CD1B: variants seen among roughly 807,000 people sequenced by gnomAD.
The protein encoded by CD1B is T-cell surface glycoprotein CD1b.
CD1B carries 43 observed loss-of-function variants against 39.8 expected under a neutral mutation model. The observed-to-expected ratio is 1.08, with a 90% confidence interval of 0.85 to 1.39. The LOEUF (loss-of-function observed/expected upper bound fraction) is 1.39. CD1B is among the 40% of genes most tolerant of loss of function. The probability of loss-of-function intolerance (pLI) is 0.00; values close to 1 mark genes in which losing one functional copy is unlikely to be tolerated. For synonymous variants in CD1B, 192 were observed against 152.5 expected, an observed-to-expected ratio of 1.26 and a Z score of -1.91; for missense variants, 495 against 403.8, an observed-to-expected ratio of 1.23 and a Z score of -1.94.
the CD1B span, among the ~76,000 whole-genome samples, chr1:158,300,991 T>G: frequency 6.6e-6 from 1 of 151,924 alleles, no homozygotes; most frequent in African/African-American, 2.4e-5. Context: ...ATTGCCTGAC[T>G]TCATGATCTG....
At chr1:158,322,478 G>T in the CD1B span, among the ~76,000 whole-genome samples, 1 of 67,184 alleles carries the variant, frequency 1.5e-5, no homozygotes. Context: ...TGTTGCCCAG[G>T]CTGAACTCAA....
downstream of CD1B, among the ~76,000 whole-genome samples, chr1:158,327,462 A>T (rs144237371): frequency 8.0e-4 from 122 of 152,336 alleles, 2 homozygotes; most frequent in African/African-American, 2.7e-3. Flanking sequence ...TAGCAAGATG[A>T]GGAGAATCTA....
chr1:158,290,124 C>T, the CD1B span: 37 of 1,612,344 alleles, frequency 2.3e-5, 1 homozygote, highest in African/African-American at 1.7e-4. Flanking sequence ...ACAATGCAGA[C>T]GGTAAGAACA....
chr1:158,306,136 C>T, the CD1B span, among the ~76,000 whole-genome samples: 1 of 152,126 alleles, frequency 6.6e-6, no homozygotes, highest in African/African-American at 2.4e-5. Flanking sequence ...CACATACTGG[C>T]AAATTGGATA....
the CD1B span, chr1:158,289,988 G>T: frequency 3.8e-6 from 5 of 1,332,220 alleles, no homozygotes; most frequent in African/African-American, 7.2e-5. Flanking sequence ...TCAGAATATA[G>T]GTACAGAGGG....
chr1:158,316,108 T>A, the CD1B span, among the ~76,000 whole-genome samples: 1 of 151,954 alleles, frequency 6.6e-6, no homozygotes, highest in Non-Finnish European at 1.5e-5. Context: ...TCCAGCTTTG[T>A]TCTTTTGGCT....
At chr1:158,311,462 C>A in the CD1B span, among the ~76,000 whole-genome samples, 1 of 151,906 alleles carries the variant, frequency 6.6e-6, no homozygotes, top group Non-Finnish European at 1.5e-5. Flanking sequence ...TATTTTCTAC[C>A]ATTCTGTAGC....
the CD1B span, among the ~76,000 whole-genome samples, chr1:158,315,165 T>C: frequency 1.3e-5 from 2 of 152,078 alleles, no homozygotes; most frequent in Non-Finnish European, 2.9e-5. Flanking sequence ...CCTTTGGGTA[T>C]ATACTCAGTA....
chr1:158,291,982 G>A, the CD1B span: 1 of 1,211,432 alleles, frequency 8.3e-7, no homozygotes, highest in Non-Finnish European at 1.2e-6. Flanking sequence ...TCACATCCAT[G>A]TAAAACTTTC....
the CD1B span, among the ~76,000 whole-genome samples, chr1:158,314,462 T>C: frequency 7.9e-5 from 12 of 152,160 alleles, no homozygotes; most frequent in African/African-American, 2.9e-4. Context: ...AATTTATTTC[T>C]GTTTTTACAT....
chr1:158,318,826 G>A, the CD1B span, among the ~76,000 whole-genome samples: 121 of 152,210 alleles, frequency 7.9e-4, no homozygotes, highest in Middle Eastern at 3.4e-3. Flanking sequence ...CATGTTTAGC[G>A]CTTCCTTCAG....
At chr1:158,314,641 TG>T in the CD1B span, among the ~76,000 whole-genome samples, 7 of 152,098 alleles carry the variant, frequency 4.6e-5, no homozygotes, top group South Asian at 2.1e-4. Flanking sequence ...GGTTTTGTTT[TG>T]TTTTTTTTAT....
Position 158,330,893 on chromosome 1 carries a change from A to C in CD1B, c.231T>G (p.Ser77Arg). ...CCTCTAACTCAGCAACCTCCTTATC[A>C]CTAAAGTTACCTTTAGACCAAGGCT... ...FLKPWSKGNF[S>R]DKEVAELEEI... is the part of the protein sequence containing the mutation. The change falls in exon 2 of 6, where the codon AGT (serine) becomes AGG (arginine). Residue 77 changes from serine (S) to arginine (R), a missense_variant. By Grantham distance (110) the Ser-to-Arg change is moderately radical. Coordinates refer to ENST00000368168, the MANE Select transcript of CD1B (RefSeq NM_001764.3). 2.5e-6 allele frequency: 4 copies of C among 1,613,886 alleles called. No individual in the cohort carries two copies. The highest frequency in any genetic ancestry group is 3.4e-6 in the Non-Finnish European group (4 of 1,179,742).
the CD1B span, among the ~76,000 whole-genome samples, chr1:158,308,770 T>C: frequency 5.3e-5 from 8 of 152,144 alleles, no homozygotes; most frequent in Admixed American, 1.3e-4. Context: ...GGAAAACTGG[T>C]TAGCCATATG....
chr1:158,308,463 C>G, the CD1B span, among the ~76,000 whole-genome samples: 1,098 of 152,284 alleles, frequency 7.2e-3, 15 homozygotes, highest in African/African-American at 0.025. Flanking sequence ...ACTTTCTTCA[C>G]AGAATTGGAA....
the CD1B span, chr1:158,291,088 C>CTT: frequency 2.2e-4 from 279 of 1,263,998 alleles, no homozygotes; most frequent in South Asian, 5.4e-4. Context: ...CCTTGCCTCT[C>CTT]TTTTTTTTTT....
At chr1:158,307,333 G>C in the CD1B span, among the ~76,000 whole-genome samples, 1 of 152,118 alleles carries the variant, frequency 6.6e-6, no homozygotes, top group African/African-American at 2.4e-5. Flanking sequence ...AGAAAGTCTA[G>C]AAGAAATGGA....
At chr1:158,327,097 C>A (rs1652383977), downstream of CD1B, among the ~76,000 whole-genome samples, 1 of 152,164 alleles carries the variant, frequency 6.6e-6, no homozygotes, top group Non-Finnish European at 1.5e-5. Context: ...ACGCTTGGCC[C>A]CTATAAAATT....
chr1:158,305,453 G>A, the CD1B span, among the ~76,000 whole-genome samples: 27 of 152,208 alleles, frequency 1.8e-4, no homozygotes, highest in African/African-American at 6.5e-4. Context: ...ATCTATGTCT[G>A]ATTGGTGTAC....
Sources: gnomAD v4.1 joint callset for allele counts (sites outside exome capture counted in the v4.1 genomes callset) on GRCh38, gnomAD v4.1.1 for gene constraint, MANE v1.5 for transcripts, NCBI Gene and HGNC (gene_info 2026-07-23, HGNC 2026-07-21) for gene names.